The following LGSN variants were observed in gnomAD, a reference collection of about 807,000 sequenced individuals.
The protein encoded by LGSN is lengsin.
In LGSN, 21 loss-of-function variants were observed where a neutral mutation model predicts 19.5. The ratio of observed to expected loss-of-function variants is 1.07; its 90% confidence interval spans 0.76 to 1.55. The LOEUF (loss-of-function observed/expected upper bound fraction) is 1.55, where lower values mean the gene tolerates loss of function less well. LGSN is among the 40% of genes most tolerant of loss of function. The probability of loss-of-function intolerance (pLI) is 0.00; values close to 1 mark genes in which losing one functional copy is unlikely to be tolerated. For synonymous variants in LGSN, 257 were observed against 215.6 expected (o/e 1.19, Z -1.68); for missense variants, 673 against 608.5 (o/e 1.11, Z -1.12).
At chr6:63,313,068 G>A (rs377603092) in intron 1 of LGSN, among the ~76,000 whole-genome samples, 1 of 151,968 alleles carries the variant, frequency 6.6e-6, no homozygotes, top group South Asian at 2.1e-4. Context: ...AATTATTAAG[G>A]GAAAGAACAG....
chr6:63,552,131 A>G, the LGSN span, among the ~76,000 whole-genome samples: 3 of 152,298 alleles, frequency 2.0e-5, no homozygotes, highest in Admixed American at 6.5e-5. Flanking sequence ...GACTTCCACA[A>G]TGGTTGAACT....
At chr6:63,361,517 A>T in the LGSN span, among the ~76,000 whole-genome samples, 1 of 152,152 alleles carries the variant, frequency 6.6e-6, no homozygotes, top group South Asian at 2.1e-4. Flanking sequence ...GCGCAGTATT[A>T]GGGTGGAAGT....
the LGSN span, among the ~76,000 whole-genome samples, chr6:63,496,353 G>T: frequency 6.6e-6 from 1 of 152,170 alleles, no homozygotes; most frequent in Non-Finnish European, 1.5e-5. Flanking sequence ...TTAAGAGTTT[G>T]CCATAGCCAC....
At chr6:63,429,185 G>A in the LGSN span, among the ~76,000 whole-genome samples, 1 of 152,104 alleles carries the variant, frequency 6.6e-6, no homozygotes, top group African/African-American at 2.4e-5. Flanking sequence ...GGAAAAGTGT[G>A]ACAAAATTAG....
the LGSN span, among the ~76,000 whole-genome samples, chr6:63,341,426 C>G: frequency 1.3e-5 from 2 of 152,212 alleles, no homozygotes; most frequent in East Asian, 1.9e-4. Context: ...GATCGGTCTT[C>G]AGGATGCCTG....
chr6:63,357,744 A>T, the LGSN span, among the ~76,000 whole-genome samples: 4 of 152,204 alleles, frequency 2.6e-5, no homozygotes, highest in African/African-American at 7.2e-5. Context: ...CCTTTGTCAG[A>T]TAAGTAGGTT....
the LGSN span, among the ~76,000 whole-genome samples, chr6:63,332,039 T>C: frequency 1.3e-5 from 2 of 152,130 alleles, no homozygotes. Context: ...TCCTCACTTA[T>C]ATGAATAGGA....
chr6:63,365,925 G>T, the LGSN span, among the ~76,000 whole-genome samples: 4 of 152,146 alleles, frequency 2.6e-5, no homozygotes, highest in South Asian at 8.3e-4. Context: ...ACTAAGTATT[G>T]ATGGGATGTA....
chr6:63,373,455 C>T, the LGSN span, among the ~76,000 whole-genome samples: 2 of 152,144 alleles, frequency 1.3e-5, no homozygotes, highest in Non-Finnish European at 2.9e-5. Flanking sequence ...ACCCGCTTCT[C>T]CTCCACCACA....
chr6:63,525,246 T>G, the LGSN span, among the ~76,000 whole-genome samples: 103 of 152,326 alleles, frequency 6.8e-4, no homozygotes, highest in Non-Finnish European at 1.3e-3. Context: ...ATTAGTACTC[T>G]TTCAGGATCA....
the LGSN span, among the ~76,000 whole-genome samples, chr6:63,402,143 A>G: frequency 2.0e-4 from 30 of 152,326 alleles, no homozygotes; most frequent in Admixed American, 1.8e-3. Context: ...GTCAATCTAA[A>G]GTGAGAAATT....
chr6:63,504,493 G>T, the LGSN span, among the ~76,000 whole-genome samples: 1 of 152,124 alleles, frequency 6.6e-6, no homozygotes, highest in Non-Finnish European at 1.5e-5. Context: ...ACCAGCCTTG[G>T]CCTCCCAAAG....
chr6:63,385,410 T>C, the LGSN span, among the ~76,000 whole-genome samples: 149 of 152,342 alleles, frequency 9.8e-4, 2 homozygotes, highest in East Asian at 0.022. Context: ...TGTCCTCTTA[T>C]ATGAAAATAA....
the LGSN span, among the ~76,000 whole-genome samples, chr6:63,364,763 G>C: frequency 2.2e-4 from 33 of 152,258 alleles, no homozygotes; most frequent in East Asian, 3.7e-3. Flanking sequence ...AATCAAACTA[G>C]AACTCAGGAT....
the LGSN span, among the ~76,000 whole-genome samples, chr6:63,373,458 C>T: frequency 1.3e-5 from 2 of 152,146 alleles, no homozygotes; most frequent in Non-Finnish European, 2.9e-5. Context: ...CGCTTCTCCT[C>T]CACCACAGAA....
chr6:63,561,448 G>C, the LGSN span, among the ~76,000 whole-genome samples: 4 of 152,160 alleles, frequency 2.6e-5, no homozygotes, highest in African/African-American at 9.6e-5. Context: ...CTCTTCCCTA[G>C]ACAGTGCCTG....
Position 63,279,221 on chromosome 6 carries a change from G to C in LGSN, c.*800C>G, listed in dbSNP as rs1290027945. 6.6e-6 allele frequency: 1 copy of C among 152,188 alleles called. No homozygotes were observed. The highest frequency in any genetic ancestry group is 1.5e-5 in the Non-Finnish European group (1 of 68,026). The allele number at this position is 152,188 out of a possible 1,614,324, so 9.4% of individuals were successfully genotyped here. On this transcript the variant is annotated 3_prime_UTR_variant, in exon 4 of 4. Coordinates refer to ENST00000370657, the MANE Select transcript of LGSN (RefSeq NM_016571.3). ...GGAACATCTAGTTTCAAAGAATGAA[G>C]CAGAGTAGACAGAGCCCACCTACCC...
At position 63,285,739 on chromosome 6, in the gene LGSN, T is replaced by C. The variant is rs1250628209; in HGVS notation, c.178A>G (p.Ser60Gly). The C allele has an allele frequency of 1.2e-6, 2 of 1,614,038 alleles. No individual in the cohort carries two copies. The highest frequency in any genetic ancestry group is 2.2e-5 in the East Asian group (1 of 44,880). ...TGAGGTGGGGTCAAAATTTGACTGCTGTCCCTCATGCAATCTGCAAAATAA... is the reference window on the plus strand; with the variant it reads ...TGAGGTGGGGTCAAAATTTGACTGCCGTCCCTCATGCAATCTGCAAAATAA... ...MSNSNDCMRD[S>G]SQILTPPQLS... The change falls in exon 3 of 4, where the codon AGC (serine) becomes GGC (glycine). Residue 60 changes from serine (S) to glycine (G), a missense_variant. Transcript: ENST00000370657.
chr6:63,433,865 T>TA, the LGSN span, among the ~76,000 whole-genome samples: 2 of 152,168 alleles, frequency 1.3e-5, no homozygotes, highest in Non-Finnish European at 2.9e-5. Context: ...GTATTTTGAG[T>TA]AAAAAAGTTG....
Sources: allele counts gnomAD v4.1 joint callset (sites outside exome capture counted in the v4.1 genomes callset), GRCh38; gene constraint gnomAD v4.1.1; transcripts MANE v1.5; gene names NCBI Gene and HGNC (gene_info 2026-07-23, HGNC 2026-07-21).